The following FAM114A2 variants were observed in gnomAD, a reference collection of about 807,000 sequenced individuals.
FAM114A2 encodes the protein family with sequence similarity 114 member A2, also known as protein FAM114A2.
A neutral mutation model predicts 58.4 loss-of-function variants in FAM114A2; 53 were observed. The ratio of observed to expected loss-of-function variants is 0.91; its 90% CI spans 0.73 to 1.14. The LOEUF is 1.14. FAM114A2 is among the 50% of genes most tolerant of loss of function. The pLI is 0.00. For missense variants in FAM114A2, 601 were observed against 581.1 expected, an observed-to-expected ratio of 1.03 and a Z score of -0.35; for synonymous variants, 228 against 211.4, an observed-to-expected ratio of 1.08 and a Z score of -0.68.
intron 10 of FAM114A2, 74 bp from the exon 11 acceptor site, chr5:154,002,464 A>T (rs1770043544): frequency 6.8e-7 from 1 of 1,471,226 alleles, no homozygotes; most frequent in Middle Eastern, 1.7e-4. Flanking sequence ...CTTCTCTCAT[A>T]CTACAGGATT....
chr5:154,013,395 A>G (rs764420840), intron 8 of FAM114A2, among the ~76,000 whole-genome samples: 11 of 152,304 alleles, frequency 7.2e-5, no homozygotes, highest in Non-Finnish European at 1.5e-4. Flanking sequence ...CTCTGATACC[A>G]CCACTTTTTT....
intron 8 of FAM114A2, among the ~76,000 whole-genome samples, chr5:154,020,144 G>A (rs972018479): frequency 6.6e-6 from 1 of 152,172 alleles, no homozygotes; most frequent in Admixed American, 6.5e-5. Context: ...CACATTTAGA[G>A]CAGTGTGTAG....
intron 7 of FAM114A2, among the ~76,000 whole-genome samples, chr5:154,026,881 T>A (rs368275885): frequency 1.6e-3 from 208 of 132,574 alleles, no homozygotes; most frequent in Non-Finnish European, 1.8e-3. Context: ...CCAAAGAAAC[T>A]AAAAAAAAAA....
chr5:154,037,685 A>G (rs1221127949), intron 1 of FAM114A2, among the ~76,000 whole-genome samples: 1 of 152,192 alleles, frequency 6.6e-6, no homozygotes, highest in Non-Finnish European at 1.5e-5. Flanking sequence ...AAATTCATAT[A>G]ATTCCATGAA....
At chr5:154,010,176 G>A (rs188317478) in intron 9 of FAM114A2, among the ~76,000 whole-genome samples, 206 of 152,252 alleles carry the variant, frequency 1.4e-3, no homozygotes, top group Admixed American at 2.4e-3. Flanking sequence ...TTTACACAGA[G>A]AAAGAACACA....
intron 8 of FAM114A2, among the ~76,000 whole-genome samples, chr5:154,026,049 T>C (rs1771748491): frequency 6.6e-6 from 1 of 152,160 alleles, no homozygotes; most frequent in South Asian, 2.1e-4. Flanking sequence ...CCTAGGAATA[T>C]GAAAGCTCAT....
At chr5:154,009,842 T>C (rs920881796) in intron 9 of FAM114A2, among the ~76,000 whole-genome samples, 1 of 152,168 alleles carries the variant, frequency 6.6e-6, no homozygotes, top group Non-Finnish European at 1.5e-5. Flanking sequence ...TATTTTAGAT[T>C]AAAGGAAACT....
At position 153,992,736 on chromosome 5, in the gene FAM114A2, G is replaced by C. The variant is rs937647005; in HGVS notation, c.*240C>G. 12 of 324,332 alleles carry C rather than the reference G, an allele frequency of 3.7e-5. No individual in the cohort carries two copies. The highest frequency in any genetic ancestry group is 6.1e-5 in the Non-Finnish European group (11 of 179,866). The allele number at this position is 324,332 out of a possible 1,614,324, so 20.1% of individuals were successfully genotyped here. Reference sequence around the variant, plus strand: ...TCTTTATCTAGAGTTATTATTCTTGGACTTTCTACAAAAGTTTCTTTTCAA... The same window carrying C: ...TCTTTATCTAGAGTTATTATTCTTGCACTTTCTACAAAAGTTTCTTTTCAA... On this transcript the variant is annotated 3_prime_UTR_variant, in exon 14 of 14. Transcript: ENST00000351797.
chr5:154,007,356 A>C (rs1423404115), intron 9 of FAM114A2, among the ~76,000 whole-genome samples: 1 of 152,192 alleles, frequency 6.6e-6, no homozygotes, highest in Non-Finnish European at 1.5e-5. Flanking sequence ...CCCACAGAAG[A>C]AAATGAATTT....
chr5:153,993,262 C>T (rs567727601), intron 13 of FAM114A2, 152 bp from the exon 14 acceptor site: 89 of 551,220 alleles, frequency 1.6e-4, no homozygotes, highest in African/African-American at 1.4e-3. Flanking sequence ...TTTTGGTAAA[C>T]TCTATTATAG....
chr5:154,014,960 G>A (rs540940112), intron 8 of FAM114A2, among the ~76,000 whole-genome samples: 1 of 152,192 alleles, frequency 6.6e-6, no homozygotes, highest in South Asian at 2.1e-4. Flanking sequence ...TGTGGTTGGG[G>A]AGCAGGCACA....
At chr5:154,015,288 G>A (rs1207415295) in intron 8 of FAM114A2, among the ~76,000 whole-genome samples, 1 of 152,144 alleles carries the variant, frequency 6.6e-6, no homozygotes, top group Admixed American at 6.5e-5. Flanking sequence ...ATGCTTTCTT[G>A]AAAGTGCCAC....
chr5:154,026,540 CA>C lies in FAM114A2; in HGVS notation c.790-19del. ...GATTTCACCTGAATGGATACAAGAA[CA>C]AAATGTTGTAGGAGTATGAAAGAAA... On this transcript the variant is annotated intron_variant, in intron 7 of 13. Coordinates refer to ENST00000351797, the MANE Select transcript of FAM114A2 (RefSeq NM_018691.4). 2.1e-6 allele frequency: 3 copies of C among 1,450,648 alleles called. No individual in the cohort carries two copies. Among genetic ancestry groups the C allele is most frequent in the Non-Finnish European group, 1.8e-6 (2 of 1,095,432 alleles). The allele number at this position is 1,450,648 out of a possible 1,614,324, so 89.9% of individuals were successfully genotyped here.
rs10515704 is a variant in FAM114A2 at position 153,992,529 on chromosome 5, A to T, written c.*447T>A. ...TTAAAGCCATAGATTTTATTCCAGA[A>T]AGGAGAAAGTACATGGCATTAATAA... is the stretch of plus-strand genomic sequence containing the variant. On this transcript the variant is annotated 3_prime_UTR_variant, in exon 14 of 14. Coordinates refer to ENST00000351797, the MANE Select transcript of FAM114A2 (RefSeq NM_018691.4). 942 of 152,790 alleles carry T rather than the reference A, an allele frequency of 6.2e-3. 42 individuals are homozygous for T. The East Asian group carries it at 0.1, about 17-fold the overall frequency. The allele number at this position is 152,790 out of a possible 1,614,324, so 9.5% of individuals were successfully genotyped here.
At chr5:153,996,167 C>T (rs1409761413) in intron 12 of FAM114A2, among the ~76,000 whole-genome samples, 1 of 152,106 alleles carries the variant, frequency 6.6e-6, no homozygotes, top group African/African-American at 2.4e-5. Flanking sequence ...ACTACAATAT[C>T]AAGACGATAT....
At chr5:153,996,835 A>G (rs1251748710) in intron 12 of FAM114A2, among the ~76,000 whole-genome samples, 1 of 151,864 alleles carries the variant, frequency 6.6e-6, no homozygotes, top group Non-Finnish European at 1.5e-5. Context: ...TGTCTCTACT[A>G]AAAATACAAA....
At chr5:154,017,917 T>C (rs1771147797) in intron 8 of FAM114A2, among the ~76,000 whole-genome samples, 1 of 152,060 alleles carries the variant, frequency 6.6e-6, no homozygotes, top group Non-Finnish European at 1.5e-5. Context: ...TCTGGGATAC[T>C]GCTAGGAGGA....
At chr5:154,019,107 TCAAA>T (rs1300804796) in intron 8 of FAM114A2, among the ~76,000 whole-genome samples, 1 of 152,076 alleles carries the variant, frequency 6.6e-6, no homozygotes, top group Non-Finnish European at 1.5e-5. Context: ...AAAGAGGAAG[TCAAA>T]CTAACTGTCA....
rs370798035 is a variant in FAM114A2, at chr5:154,028,169, G to A, written c.610C>T (p.Arg204Ter). 38 of 1,611,702 alleles carry A rather than the reference G, an allele frequency of 2.4e-5. No individual in the cohort carries two copies. The highest frequency in any genetic ancestry group is 1.6e-4 in the Middle Eastern group (1 of 6,072). ...AGTACCTGAGATAGTGTAGCATTTC[G>A]GTTCATCAGACCCTTGGTTCTTTTA... ...GFKRTKGLMN[R>*]NATLSQVLRE... The change falls in exon 6 of 14, where the codon CGA (arginine) becomes TGA (stop). Residue 204 changes from arginine to a stop codon, truncating the protein, a stop_gained. Transcript: ENST00000351797. LOFTEE classifies it high-confidence loss of function.
Sources: gnomAD v4.1 joint callset for allele counts (sites outside exome capture counted in the v4.1 genomes callset) on GRCh38, gnomAD v4.1.1 for gene constraint, MANE v1.5 for transcripts, NCBI Gene and HGNC (gene_info 2026-07-23, HGNC 2026-07-21) for gene names.